The following SLC35F1 variants were observed in gnomAD, a reference collection of about 807,000 sequenced individuals.
SLC35F1 encodes the protein chromosome 6 open reading frame 169.
Under a neutral mutation model 48.7 loss-of-function variants are expected in SLC35F1, and 14 were observed. The observed-to-expected ratio is 0.29, with a 90% CI of 0.19 to 0.45. SLC35F1 has a LOEUF of 0.45. Ranked by LOEUF, SLC35F1 falls within the 20% of genes least tolerant of loss-of-function variation. The probability of loss-of-function intolerance (pLI) is 1.00; values close to 1 mark genes in which losing one functional copy is unlikely to be tolerated. For missense variants in SLC35F1, 404 were observed against 500.0 expected (o/e 0.81, Z 1.83); for synonymous variants, 190 against 202.2 (o/e 0.94, Z 0.51).
chr6:118,171,641 A>G (rs1003060728), intron 2 of SLC35F1, among the ~76,000 whole-genome samples: 1 of 152,164 alleles, frequency 6.6e-6, no homozygotes, highest in Non-Finnish European at 1.5e-5. Context: ...TCACCATTGA[A>G]TATTATCAGT....
At chr6:118,223,801 C>A (rs1046370538) in intron 2 of SLC35F1, among the ~76,000 whole-genome samples, 1 of 152,200 alleles carries the variant, frequency 6.6e-6, no homozygotes, top group Non-Finnish European at 1.5e-5. Context: ...CATGTCAGAG[C>A]TCAAGGTCAG....
In SLC35F1 at chr6:118,043,730, T is replaced by A. The variant is rs186909749; in HGVS notation, c.174-110715T>A. Among the ~76,000 whole-genome samples, 5 of 152,348 alleles carry A rather than the reference T, an allele frequency of 3.3e-5. No homozygotes were observed. The East Asian group carries it at 5.8e-4, about 18-fold the overall frequency. ...CTTTAAATTCTACAAGTACTTTAAA[T>A]GTATTGTACGCTTATGCACTTTTAG... is the stretch of plus-strand genomic sequence containing the variant. On this transcript the variant is annotated intron_variant, in intron 1 of 7. Coordinates refer to ENST00000360388, the MANE Select transcript of SLC35F1 (RefSeq NM_001029858.4).
At chr6:118,140,297 A>G (rs1390404060) in intron 1 of SLC35F1, among the ~76,000 whole-genome samples, 1 of 152,224 alleles carries the variant, frequency 6.6e-6, no homozygotes, top group Non-Finnish European at 1.5e-5. Context: ...ATTAGAGTCA[A>G]TGATGGACGG....
chr6:118,233,067 G>A (rs555666488), intron 2 of SLC35F1, among the ~76,000 whole-genome samples: 3 of 152,020 alleles, frequency 2.0e-5, no homozygotes, highest in Non-Finnish European at 4.4e-5. Context: ...CTGGGTTCAA[G>A]TGATTCTCCT....
chr6:118,057,385 T>TG (rs1398650384), intron 1 of SLC35F1, among the ~76,000 whole-genome samples: 2 of 152,150 alleles, frequency 1.3e-5, no homozygotes, highest in African/African-American at 4.8e-5. Context: ...ATCCTTCTGA[T>TG]GGCCACAGTG....
intron 1 of SLC35F1, among the ~76,000 whole-genome samples, chr6:117,976,464 C>T (rs572331105): frequency 6.6e-6 from 1 of 152,168 alleles, no homozygotes; most frequent in South Asian, 2.1e-4. Context: ...ATTTGGGGAG[C>T]AAAGATTTTG....
At chr6:117,935,651 G>A (rs1299785165) in intron 1 of SLC35F1, among the ~76,000 whole-genome samples, 1 of 152,052 alleles carries the variant, frequency 6.6e-6, no homozygotes, top group Non-Finnish European at 1.5e-5. Context: ...TGGAGGGGAG[G>A]GTGAGCATTT....
chr6:118,289,747 T>G (rs1776096333), intron 7 of SLC35F1, among the ~76,000 whole-genome samples: 1 of 152,120 alleles, frequency 6.6e-6, no homozygotes. Flanking sequence ...TAAAACATAG[T>G]CATGCCTAGG....
chr6:118,133,155 T>C (rs1773742187), intron 1 of SLC35F1, among the ~76,000 whole-genome samples: 1 of 152,156 alleles, frequency 6.6e-6, no homozygotes, highest in African/African-American at 2.4e-5. Context: ...AAGGATATTT[T>C]CCTAGAATCA....
intron 2 of SLC35F1, among the ~76,000 whole-genome samples, chr6:118,161,986 C>T (rs1479926444): frequency 1.3e-5 from 2 of 152,162 alleles, no homozygotes; most frequent in African/African-American, 2.4e-5. Flanking sequence ...TAAGGTTAAA[C>T]GTACATTTGC....
intron 1 of SLC35F1, among the ~76,000 whole-genome samples, chr6:117,979,515 A>T (rs1268537737): frequency 6.6e-6 from 1 of 152,216 alleles, no homozygotes; most frequent in Non-Finnish European, 1.5e-5. Context: ...GCATCTAGAA[A>T]ATATTAATAG....
intron 1 of SLC35F1, among the ~76,000 whole-genome samples, chr6:117,982,814 G>A (rs1776798473): frequency 2.0e-5 from 3 of 152,074 alleles, no homozygotes; most frequent in Admixed American, 2.0e-4. Flanking sequence ...AATGAATATG[G>A]AACTGAAACA....
intron 7 of SLC35F1, among the ~76,000 whole-genome samples, chr6:118,312,040 G>T (rs1270320487): frequency 1.3e-5 from 2 of 152,178 alleles, no homozygotes; most frequent in Non-Finnish European, 2.9e-5. Flanking sequence ...GACCTGGAAA[G>T]GTTAAGAAAT....
At chr6:118,103,888 A>G (rs1279270979) in intron 1 of SLC35F1, among the ~76,000 whole-genome samples, 1 of 152,164 alleles carries the variant, frequency 6.6e-6, no homozygotes, top group Non-Finnish European at 1.5e-5. Flanking sequence ...TTAGCTAATA[A>G]TGCCATCTAA....
intron 6 of SLC35F1, among the ~76,000 whole-genome samples, chr6:118,282,148 T>A (rs891268333): frequency 1.4e-4 from 22 of 152,240 alleles, no homozygotes; most frequent in Admixed American, 1.2e-3. Context: ...TTCATTTGTA[T>A]GATCATGCTG....
chr6:118,092,703 G>T (rs1424702300), intron 1 of SLC35F1, among the ~76,000 whole-genome samples: 3 of 152,190 alleles, frequency 2.0e-5, no homozygotes, highest in Non-Finnish European at 4.4e-5. Context: ...GCATCAGTGT[G>T]CCCTGGGTGT....
chr6:117,915,702 G>A (rs1023419991), intron 1 of SLC35F1, among the ~76,000 whole-genome samples: 2 of 152,154 alleles, frequency 1.3e-5, no homozygotes, highest in Admixed American at 1.3e-4. Context: ...GTTATTTTAG[G>A]TTACTGAGTA....
rs112826809 is a variant in SLC35F1, at chr6:117,910,812, T to C, written c.173+2913T>C. Among the ~76,000 whole-genome samples, 1,401 of 152,220 alleles carry C rather than the reference T, an allele frequency of 9.2e-3. 24 individuals carry two copies. Among genetic ancestry groups the C allele is most frequent in the African/African-American group, 0.03 (1,234 of 41,506 alleles). ...GCGAATTGCCTGCCATTGGTCACAGTCTACAGGAACAGCTATCTGACAACC... is the reference window on the plus strand; with the variant it reads ...GCGAATTGCCTGCCATTGGTCACAGCCTACAGGAACAGCTATCTGACAACC... On this transcript the variant is annotated intron_variant, in intron 1 of 7. Transcript: ENST00000360388.
intron 1 of SLC35F1, among the ~76,000 whole-genome samples, chr6:117,962,159 A>G (rs891404878): frequency 3.3e-5 from 5 of 152,202 alleles, no homozygotes; most frequent in Non-Finnish European, 7.3e-5. Context: ...TTCAGGATCA[A>G]TCCATTGCCA....
Sources: allele counts gnomAD v4.1 joint callset (sites outside exome capture counted in the v4.1 genomes callset), GRCh38; gene constraint gnomAD v4.1.1; transcripts MANE v1.5; gene names NCBI Gene and HGNC (gene_info 2026-07-23, HGNC 2026-07-21).